Variants in STAG1 observed in about 807,000 individuals in gnomAD.
STAG1 encodes cohesin subunit SA-1.
Under a neutral mutation model 170.9 loss-of-function variants are expected in STAG1, and 26 were observed. The observed-to-expected ratio is 0.15, with a 90% CI of 0.11 to 0.21. The LOEUF (loss-of-function observed/expected upper bound fraction) is 0.21, where lower values mean the gene tolerates loss of function less well. Among genes scored for constraint, STAG1 ranks in the 10% least tolerant of loss-of-function variants. The pLI, the probability that STAG1 is intolerant of heterozygous loss-of-function variation, is 1.00. For missense variants in STAG1, 964 were observed against 1,509.5 expected (o/e 0.64, Z 5.99); for synonymous variants, 514 against 497.7 (o/e 1.03, Z -0.44).
chr3:136,521,340 T>G lies in STAG1; in HGVS notation c.549A>C (p.Gly183=), dbSNP rs1188044332. The G allele has an allele frequency of 6.2e-7, 1 of 1,613,768 alleles. No individual in the cohort carries two copies. The highest frequency in any genetic ancestry group is 8.5e-7 in the Non-Finnish European group (1 of 1,179,776). The part of the protein sequence containing the change: ...KFRSNFCEFI[G]VLIRQCQYSI... ...TATACTGACACTGTCGAATCAGGAC[T>G]CCAATAAATTCACAAAAGTTTGAAC... is the stretch of plus-strand genomic sequence containing the variant. The change falls in exon 7 of 34, where the codon GGA becomes GGC. Residue 183 remains glycine (G), a synonymous_variant. Coordinates refer to ENST00000383202, the MANE Select transcript of STAG1 (RefSeq NM_005862.3).
intron 1 of STAG1, among the ~76,000 whole-genome samples, chr3:136,740,626 C>T (rs577500241): frequency 5.3e-5 from 8 of 152,074 alleles, no homozygotes; most frequent in African/African-American, 1.9e-4. Flanking sequence ...ACTACAGGTG[C>T]GCACTACCAC....
At position 136,500,273 on chromosome 3, in the gene STAG1, G is replaced by T; in HGVS notation, c.852C>A (p.Ile284=). 1.9e-6 allele frequency: 3 copies of T among 1,584,884 alleles called. No homozygotes were observed. The highest frequency in any genetic ancestry group is 1.1e-5 in the South Asian group (1 of 88,260). The stretch of plus-strand genomic sequence containing the variant: ...TAAAAATAGAGTTCATCATATTTTC[G>T]ATTTCATCCTGATTTTCTTGCAGCT... ...RKELQENQDE[I]ENMMNSIFKG... The change falls in exon 9 of 34, where the codon ATC becomes ATA. Residue 284 remains isoleucine, a synonymous_variant. Transcript: ENST00000383202.
chr3:136,501,546 AG>A (rs1933473365), intron 8 of STAG1, among the ~76,000 whole-genome samples: 2 of 152,200 alleles, frequency 1.3e-5, no homozygotes, highest in African/African-American at 2.4e-5. Flanking sequence ...ACCAGACACT[AG>A]GAGAGAAGTC....
rs1289967754 is a variant in STAG1, at chr3:136,521,141, T to C, written c.676+72A>G. 6 of 1,215,772 alleles carry C rather than the reference T, an allele frequency of 4.9e-6. No homozygotes were observed. The East Asian group carries it at 1.5e-4, about 30-fold the overall frequency. The allele number at this position is 1,215,772 out of a possible 1,614,324, so 75.3% of individuals were successfully genotyped here. On this transcript the variant is annotated intron_variant, in intron 7 of 33. Transcript: ENST00000383202. ...TTAAATTTTTAATTAAATCTTCTCA[T>C]TAAGTTTGTAATCAGAATAAAACAT...
intron 10 of STAG1, among the ~76,000 whole-genome samples, chr3:136,476,251 G>C (rs759947778): frequency 6.6e-6 from 1 of 152,134 alleles, no homozygotes; most frequent in Non-Finnish European, 1.5e-5. Context: ...CTTCCTCCTG[G>C]TCATGAGACT....
intron 12 of STAG1, among the ~76,000 whole-genome samples, chr3:136,466,006 G>C (rs917240221): frequency 6.6e-6 from 1 of 152,014 alleles, no homozygotes; most frequent in African/African-American, 2.4e-5. Flanking sequence ...CCATCTGTAC[G>C]TCACCATCAT....
chr3:136,702,080 A>G (rs1260199800), intron 1 of STAG1, among the ~76,000 whole-genome samples: 1 of 38,564 alleles, frequency 2.6e-5, no homozygotes, highest in African/African-American at 9.3e-5. Flanking sequence ...GCCGAAAGAG[A>G]GAGAGAGAGA....
At chr3:136,680,143 C>T (rs1167709694) in intron 1 of STAG1, among the ~76,000 whole-genome samples, 1 of 151,624 alleles carries the variant, frequency 6.6e-6, no homozygotes, top group African/African-American at 2.4e-5. Context: ...CGCCTGTAAT[C>T]CCAGCTACTC....
chr3:136,637,872 ATTTTTTT>A (rs769669998), intron 1 of STAG1, among the ~76,000 whole-genome samples: 1 of 141,014 alleles, frequency 7.1e-6, no homozygotes, highest in Non-Finnish European at 1.6e-5. Flanking sequence ...GTGTGAACAC[ATTTTTTT>A]TTTTTTTTTA....
chr3:136,664,477 G>T (rs1941686168), intron 1 of STAG1, among the ~76,000 whole-genome samples: 2 of 152,054 alleles, frequency 1.3e-5, no homozygotes, highest in African/African-American at 4.8e-5. Flanking sequence ...GCAATTGGGG[G>T]TACCTAGAAG....
rs769057964 is a variant in STAG1 at position 136,417,964 on chromosome 3, T to C, written c.2117A>G (p.Asp706Gly). The change falls in exon 21 of 34, where the codon GAT becomes GGT. Residue 706 changes from aspartate (D) to glycine (G), a missense_variant. By Grantham distance (94) the Asp-to-Gly change is moderately conservative. Transcript: ENST00000383202. ...KRLTSFHNAH[D>G]LTKWDLFGNC... ...ACCAAAGAGATCCCATTTTGTGAGA[T>C]CATGTGCACTGAAATAAACAAAAAT... 1 of 1,611,820 alleles carries C rather than the reference T, an allele frequency of 6.2e-7. No homozygotes were observed.
At chr3:136,357,876 T>A in intron 27 of STAG1, 28 bp from the exon 28 acceptor site, 1 of 1,570,366 alleles carries the variant, frequency 6.4e-7, no homozygotes, top group Non-Finnish European at 8.6e-7. Context: ...ATCAACTTAT[T>A]TTTCCAGATA....
rs762176919 is a variant in STAG1 at position 136,382,916 on chromosome 3, AAGTT to A, written c.2278-5168_2278-5165del. 9.8e-5 allele frequency among the ~76,000 whole-genome samples: 15 copies of A among 152,356 alleles called. No individual in the cohort carries two copies. The East Asian group carries it at 2.7e-3, about 27-fold the overall frequency. ...AAGCACAGATATTGTATACTTAACA[AAGTT>A]AGTTAATCTCTTATAGTAAATCCTT... On this transcript the variant is annotated intron_variant, in intron 22 of 33. Transcript: ENST00000383202.
At chr3:136,426,715 GATCACTAGAC>G (rs1401570208) in intron 16 of STAG1, among the ~76,000 whole-genome samples, 1 of 152,134 alleles carries the variant, frequency 6.6e-6, no homozygotes, top group Non-Finnish European at 1.5e-5. Flanking sequence ...GAGACAGACA[GATCACTAGAC>G]ATCAGGAGTT....
chr3:136,572,620 A>AAAAAAAAG (rs1553747954), intron 4 of STAG1, among the ~76,000 whole-genome samples: 1 of 148,648 alleles, frequency 6.7e-6, no homozygotes. Flanking sequence ...AAAAAAAAAA[A>AAAAAAAAG]AAGTAAGCAA....
At chr3:136,358,048 T>C (rs1013146408) in intron 27 of STAG1, among the ~76,000 whole-genome samples, 200 bp from the exon 28 acceptor site, 3 of 151,078 alleles carry the variant, frequency 2.0e-5, no homozygotes, top group African/African-American at 7.3e-5. Flanking sequence ...TTGGGGAAAA[T>C]ATACAAAAAA....
rs117374266 is a variant in STAG1 at position 136,734,195 on chromosome 3, A to G, written c.-84+18000T>C. ...CAGTTTGTACTGTCTCTGCTAAAGA[A>G]TAGGGGCTGACTACCTCTCAGTGCC... On this transcript the variant is annotated intron_variant, in intron 1 of 33. Coordinates refer to ENST00000383202, the MANE Select transcript of STAG1 (RefSeq NM_005862.3). Among the ~76,000 whole-genome samples, 90 of 152,288 alleles carry G rather than the reference A, an allele frequency of 5.9e-4. No homozygotes were observed. The East Asian group carries it at 8.3e-3, about 14-fold the overall frequency.
At chr3:136,714,584 C>T (rs1037920888) in intron 1 of STAG1, among the ~76,000 whole-genome samples, 3 of 151,778 alleles carry the variant, frequency 2.0e-5, no homozygotes, top group Admixed American at 1.3e-4. Context: ...AAAAATTAGC[C>T]GGGCGTGGTG....
At chr3:136,711,867 T>C (rs2107919306) in intron 1 of STAG1, among the ~76,000 whole-genome samples, 1 of 152,244 alleles carries the variant, frequency 6.6e-6, no homozygotes, top group East Asian at 1.9e-4. Flanking sequence ...GAATTACATA[T>C]TACATATCTA....
Sources: gnomAD v4.1 joint callset for allele counts (sites outside exome capture counted in the v4.1 genomes callset) on GRCh38, gnomAD v4.1.1 for gene constraint, MANE v1.5 for transcripts, NCBI Gene and HGNC (gene_info 2026-07-23, HGNC 2026-07-21) for gene names.